Variants in DCAF12 observed in about 807,000 individuals in gnomAD.
DCAF12 encodes the protein DDB1 and CUL4 associated factor 12, also known as DDB1- and CUL4-associated factor 12.
A neutral mutation model predicts 52.8 loss-of-function variants in DCAF12; 28 were observed. That is an observed-to-expected ratio of 0.53 (90% CI 0.39 to 0.73). The LOEUF is 0.73. DCAF12 is among the 30% of genes least tolerant of loss of function. DCAF12 has a pLI of 0.00. For missense variants in DCAF12, 425 were observed against 552.2 expected (o/e 0.77, Z 2.31); for synonymous variants, 196 against 215.5 (o/e 0.91, Z 0.79).
chr9:34,110,418 C>G (rs1265230009), intron 2 of DCAF12, among the ~76,000 whole-genome samples: 3 of 152,182 alleles, frequency 2.0e-5, no homozygotes, highest in Non-Finnish European at 2.9e-5. Context: ...CCTCACTCAT[C>G]ACTTCTCCTT....
rs752114406 is a variant in DCAF12 at position 34,107,461 on chromosome 9, G to A, written c.438C>T (p.Ile146=). The change falls in exon 3 of 9, where the codon ATC becomes ATT. Residue 146 remains isoleucine, a synonymous_variant. Transcript: ENST00000361264. ...VTQQGCGIHA[I]ELNPSRTLLA... ...GCAGTGTTCTAGAAGGATTCAGCTCGATGGCATGGATACCACAGCCCTGCT... is the reference window on the plus strand; with the variant it reads ...GCAGTGTTCTAGAAGGATTCAGCTCAATGGCATGGATACCACAGCCCTGCT... The A allele has an allele frequency of 7.4e-6, 12 of 1,614,146 alleles. No individual in the cohort carries two copies. The highest frequency in any genetic ancestry group is 5.0e-5 in the Admixed American group (3 of 59,986).
chr9:34,126,257 G>T, intron 1 of DCAF12, 97 bp downstream of exon 1: 1 of 1,477,126 alleles, frequency 6.8e-7, no homozygotes. Flanking sequence ...TCTGACTGCA[G>T]ACCCTGGACC....
At chr9:34,101,687 C>G (rs762580140) in intron 4 of DCAF12, among the ~76,000 whole-genome samples, 13 of 152,110 alleles carry the variant, frequency 8.5e-5, no homozygotes, top group African/African-American at 3.1e-4. Flanking sequence ...CCACTGTGCC[C>G]GGCCCACAAT....
chr9:34,113,761 T>C (rs1013167303), intron 2 of DCAF12, among the ~76,000 whole-genome samples: 1 of 152,204 alleles, frequency 6.6e-6, no homozygotes, highest in African/African-American at 2.4e-5. Flanking sequence ...TTATTCACAA[T>C]AGCCAAGATA....
chr9:34,120,055 T>TG (rs1394702043), intron 2 of DCAF12, among the ~76,000 whole-genome samples: 3 of 151,358 alleles, frequency 2.0e-5, no homozygotes, highest in Non-Finnish European at 4.4e-5. Context: ...ACAAAAAAAT[T>TG]AGCCGGGCTT....
At chr9:34,094,567 G>A (rs1010604604) in intron 6 of DCAF12, among the ~76,000 whole-genome samples, 1 of 137,702 alleles carries the variant, frequency 7.3e-6, no homozygotes, top group African/African-American at 2.7e-5. Context: ...GTCTCGCACT[G>A]TCGCCCAGGC....
intron 2 of DCAF12, among the ~76,000 whole-genome samples, chr9:34,120,454 T>C (rs769373472): frequency 3.3e-5 from 5 of 151,452 alleles, no homozygotes; most frequent in African/African-American, 4.9e-5. Flanking sequence ...GCAGATTACA[T>C]GAGGTCAGGC....
intron 3 of DCAF12, among the ~76,000 whole-genome samples, chr9:34,107,088 T>A (rs910405114): frequency 2.0e-5 from 3 of 152,214 alleles, no homozygotes; most frequent in African/African-American, 7.2e-5. Context: ...CATAGAAGAC[T>A]CAATAAATGC....
chr9:34,106,640 C>T (rs981706358), intron 3 of DCAF12, 146 bp from the exon 4 acceptor site: 1 of 626,736 alleles, frequency 1.6e-6, no homozygotes, highest in Non-Finnish European at 2.8e-6. Flanking sequence ...TGGTCTCAAC[C>T]CACAGAGAAT....
At chr9:34,108,809 ATAAAT>A (rs1828948646) in intron 2 of DCAF12, among the ~76,000 whole-genome samples, 1 of 130,794 alleles carries the variant, frequency 7.6e-6, no homozygotes, top group Non-Finnish European at 1.7e-5. Flanking sequence ...AAATAAATAA[ATAAAT>A]ATATATATAT....
rs572268055 is a variant in DCAF12, at chr9:34,098,607, T to G, written c.602-90A>C. On this transcript the variant is annotated intron_variant, in intron 4 of 8. Transcript: ENST00000361264. ...CCAAAGAGGGCTTTCATAGTCTAGCTGTTTGTGCATCATCCTCATATGTGC... is the reference window on the plus strand; with the variant it reads ...CCAAAGAGGGCTTTCATAGTCTAGCGGTTTGTGCATCATCCTCATATGTGC... 2.7e-5 allele frequency: 37 copies of G among 1,362,168 alleles called. 1 individual carries two copies. The South Asian group carries it at 4.6e-4, about 17-fold the overall frequency. The allele number at this position is 1,362,168 out of a possible 1,614,324, so 84.4% of individuals were successfully genotyped here.
At chr9:34,093,846 A>ATAC in intron 6 of DCAF12, 1 of 177,606 alleles carries the variant, frequency 5.6e-6, no homozygotes, top group Admixed American at 5.5e-5. Flanking sequence ...TCAGATAAAG[A>ATAC]GGCTGATCTC....
intron 6 of DCAF12, among the ~76,000 whole-genome samples, chr9:34,095,669 C>T (rs1194624163): frequency 6.6e-6 from 1 of 151,950 alleles, no homozygotes; most frequent in Non-Finnish European, 1.5e-5. Flanking sequence ...GATTACAGGC[C>T]TAAGGTATTG....
chr9:34,102,280 C>G (rs938578355), intron 4 of DCAF12, among the ~76,000 whole-genome samples: 3 of 133,350 alleles, frequency 2.2e-5, no homozygotes, highest in Non-Finnish European at 5.1e-5. Flanking sequence ...AAGACCCTGC[C>G]TCCAAAAAAA....
At chr9:34,103,322 G>A (rs564117846) in intron 4 of DCAF12, among the ~76,000 whole-genome samples, 4 of 151,378 alleles carry the variant, frequency 2.6e-5, no homozygotes, top group South Asian at 4.2e-4. Context: ...CAGGAGAATC[G>A]CTTGAACCTG....
At position 34,112,854 on chromosome 9, in the gene DCAF12, C is replaced by T. The variant is rs569325667; in HGVS notation, c.334-5289G>A. 3.3e-5 allele frequency among the ~76,000 whole-genome samples: 5 copies of T among 152,108 alleles called. No homozygotes were observed. In the East Asian group the frequency reaches 5.8e-4, roughly 18 times the overall value. Reference sequence around the variant, plus strand: ...CAGAGGTTGAGGTAAGCTGAGATCACGCCATTGCACTCCAACCTGGGCAAT... The same window carrying T: ...CAGAGGTTGAGGTAAGCTGAGATCATGCCATTGCACTCCAACCTGGGCAAT... On this transcript the variant is annotated intron_variant, in intron 2 of 8. Coordinates refer to ENST00000361264, the MANE Select transcript of DCAF12 (RefSeq NM_015397.4).
Position 34,088,407 on chromosome 9 carries a change from C to G in DCAF12, c.1305G>C (p.Val435=). 1 of 1,613,678 alleles carries G rather than the reference C, an allele frequency of 6.2e-7. No homozygotes were observed. The highest frequency in any genetic ancestry group is 8.5e-7 in the Non-Finnish European group (1 of 1,179,774). The change falls in exon 9 of 9, where the codon GTG becomes GTC. Residue 435 remains valine (V), a synonymous_variant. Transcript: ENST00000361264. ...GCCCTGAAGGGAGGGGACCTCCTGC[C>G]ACAAAGAGTTTCGTTCCAGACGAGT... ...CYDSSGTKLF[V]AGGPLPSGLH... is the part of the protein sequence containing the mutation.
At chr9:34,112,308 A>G (rs994492161) in intron 2 of DCAF12, among the ~76,000 whole-genome samples, 10 of 152,098 alleles carry the variant, frequency 6.6e-5, no homozygotes, top group Non-Finnish European at 1.5e-4. Flanking sequence ...TAAACAAATG[A>G]TCCCAGGCTG....
At chr9:34,101,149 G>A (rs1171825183) in intron 4 of DCAF12, among the ~76,000 whole-genome samples, 1 of 140,840 alleles carries the variant, frequency 7.1e-6, no homozygotes, top group Non-Finnish European at 1.5e-5. Context: ...ATGGCTCATT[G>A]TAGCCTCAAC....
Sources: gnomAD v4.1 joint callset for allele counts (sites outside exome capture counted in the v4.1 genomes callset) on GRCh38, gnomAD v4.1.1 for gene constraint, MANE v1.5 for transcripts, NCBI Gene and HGNC (gene_info 2026-07-23, HGNC 2026-07-21) for gene names.